The following PAX3 variants were observed in gnomAD, a reference collection of about 807,000 sequenced individuals.
PAX3 encodes the protein paired box 3, also known as paired box protein Pax-3.
Under a neutral mutation model 51.6 loss-of-function variants are expected in PAX3, and 14 were observed. The ratio of observed to expected loss-of-function variants is 0.27; its 90% CI spans 0.18 to 0.42. The LOEUF (loss-of-function observed/expected upper bound fraction) is 0.42, where lower values mean the gene tolerates loss of function less well. Among genes scored for constraint, PAX3 ranks in the 10% least tolerant of loss-of-function variants. The pLI, the probability that PAX3 is intolerant of heterozygous loss-of-function variation, is 1.00. For synonymous variants in PAX3, 280 were observed against 253.4 expected (o/e 1.11, Z -1.00); for missense variants, 540 against 642.8 (o/e 0.84, Z 1.73).
intron 4 of PAX3, among the ~76,000 whole-genome samples, chr2:222,266,051 C>A (rs375848510): frequency 9.9e-5 from 15 of 152,272 alleles, no homozygotes; most frequent in African/African-American, 3.4e-4. Flanking sequence ...GGGAGACTTT[C>A]TTTTGAAAAG....
chr2:222,260,552 G>A (rs866370534), intron 4 of PAX3, among the ~76,000 whole-genome samples: 1 of 60,492 alleles, frequency 1.7e-5, no homozygotes, highest in Non-Finnish European at 3.2e-5. Flanking sequence ...AGCAACACAA[G>A]TTTTTTTTTT....
In PAX3 at chr2:222,298,604, C is replaced by G. The variant is rs747090056; in HGVS notation, c.12G>C (p.Leu4=). 1 of 1,606,440 alleles carries G rather than the reference C, an allele frequency of 6.2e-7. No individual in the cohort carries two copies. The highest frequency in any genetic ancestry group is 1.3e-5 in the African/African-American group (1 of 74,960). The part of the protein sequence containing the change: MTT[L]AGAVPRMMRP... The stretch of plus-strand genomic sequence containing the variant: ...GCATCATCCTGGGCACAGCGCCGGC[C>G]AGCGTGGTCATCCTGGGGGCAGCTT... The change falls in exon 1 of 9, where the codon CTG becomes CTC. Residue 4 remains leucine, a synonymous_variant. Transcript: ENST00000392070.
rs188517407 is a variant in PAX3, at chr2:222,281,111, A to G, written c.586+13056T>C. Among the ~76,000 whole-genome samples, 838 of 152,322 alleles carry G rather than the reference A, an allele frequency of 5.5e-3. 11 individuals are homozygous for G. Among genetic ancestry groups the G allele is most frequent in the African/African-American group, 0.019 (800 of 41,562 alleles). On this transcript the variant is annotated intron_variant, in intron 4 of 8. Transcript: ENST00000392070. ...AAAGCCAAGCACATCTACCACCTGGAAAGTTTCCACGCTGGATCAATTCCC... is the reference window on the plus strand; with the variant it reads ...AAAGCCAAGCACATCTACCACCTGGGAAGTTTCCACGCTGGATCAATTCCC...
intron 4 of PAX3, among the ~76,000 whole-genome samples, chr2:222,290,035 A>C (rs1694973579): frequency 1.3e-5 from 2 of 152,148 alleles, no homozygotes; most frequent in Admixed American, 6.5e-5. Context: ...AATCTATGGG[A>C]AAGTTCGTCC....
intron 4 of PAX3, among the ~76,000 whole-genome samples, chr2:222,239,855 T>C (rs902759955): frequency 1.3e-5 from 2 of 151,848 alleles, no homozygotes; most frequent in African/African-American, 2.4e-5. Context: ...TTGGGAAGGA[T>C]ATGCTGAGCT....
At chr2:222,281,441 C>G (rs1420547128) in intron 4 of PAX3, among the ~76,000 whole-genome samples, 1 of 152,238 alleles carries the variant, frequency 6.6e-6, no homozygotes, top group African/African-American at 2.4e-5. Context: ...AACACCTGCT[C>G]TCTGACATTA....
intron 4 of PAX3, among the ~76,000 whole-genome samples, chr2:222,246,996 C>T (rs1693252310): frequency 6.6e-6 from 1 of 152,166 alleles, no homozygotes; most frequent in South Asian, 2.1e-4. Context: ...TTCTCATTGT[C>T]TTTGTATAAC....
At chr2:222,227,568 C>G (rs1361620362) in intron 5 of PAX3, among the ~76,000 whole-genome samples, 1 of 152,002 alleles carries the variant, frequency 6.6e-6, no homozygotes, top group Non-Finnish European at 1.5e-5. Flanking sequence ...CTCCAGTGCA[C>G]TCCAGCTCAG....
At chr2:222,267,570 C>T (rs563008167) in intron 4 of PAX3, among the ~76,000 whole-genome samples, 1 of 152,108 alleles carries the variant, frequency 6.6e-6, no homozygotes, top group South Asian at 2.1e-4. Context: ...TTGAGTTTCC[C>T]CTTATTTTAT....
chr2:222,224,149 G>A (rs1221868260), intron 5 of PAX3, among the ~76,000 whole-genome samples: 1 of 152,184 alleles, frequency 6.6e-6, no homozygotes, highest in African/African-American at 2.4e-5. Context: ...CAAAGACATT[G>A]AGTAAACTCA....
intron 3 of PAX3, among the ~76,000 whole-genome samples, 179 bp downstream of exon 3, chr2:222,295,349 G>T (rs1274921970): frequency 6.6e-6 from 1 of 152,184 alleles, no homozygotes; most frequent in Non-Finnish European, 1.5e-5. Flanking sequence ...AGGACAAGCA[G>T]CTCACCCCTC....
chr2:222,277,007 G>A (rs540917603), intron 4 of PAX3, among the ~76,000 whole-genome samples: 1 of 152,336 alleles, frequency 6.6e-6, no homozygotes, highest in African/African-American at 2.4e-5. Context: ...GGCACTGTTA[G>A]TATGTGGCTG....
intron 4 of PAX3, among the ~76,000 whole-genome samples, chr2:222,244,911 G>A (rs749819266): frequency 1.3e-5 from 2 of 152,116 alleles, no homozygotes; most frequent in Non-Finnish European, 2.9e-5. Flanking sequence ...ACTTTGAGAG[G>A]TTGAGGTGGG....
chr2:222,258,858 A>G lies in PAX3; in HGVS notation c.587-26575T>C, dbSNP rs79127569. Among the ~76,000 whole-genome samples the G allele has an allele frequency of 9.2e-5, 14 of 152,292 alleles. No homozygotes were observed. In the East Asian group the frequency reaches 2.7e-3, roughly 29 times the overall value. On this transcript the variant is annotated intron_variant, in intron 4 of 8. Transcript: ENST00000392070. ...GAAGTTCAGTTCTTAACAACAACAA[A>G]AAGTCTCTTATTGGTGATGCTGAGA... is the stretch of plus-strand genomic sequence containing the variant.
chr2:222,225,808 A>G (rs1692360525), intron 5 of PAX3, among the ~76,000 whole-genome samples: 1 of 152,246 alleles, frequency 6.6e-6, no homozygotes, highest in African/African-American at 2.4e-5. Flanking sequence ...AGAAAGTCTC[A>G]CACTGACACT....
rs1695254940 is a variant in PAX3, at chr2:222,295,615, T to C, written c.364A>G (p.Lys122Glu). ...CTGAACATGCCCGGGTTCTCTCTTT[T>C]GTATTCCTCAATTTTCTTCTCCACG... ...PDVEKKIEEYKRENPGMFSWE... is the reference protein window; with the variant it reads ...PDVEKKIEEYERENPGMFSWE... Residue 122 changes from lysine to glutamate, a missense_variant, in exon 3 of 9, where the codon AAA becomes GAA. This residue lies in a region of PAX3 where 427 missense variants were observed against 483.6 expected (regional missense o/e 0.88). Coordinates refer to ENST00000392070, the MANE Select transcript of PAX3 (RefSeq NM_181458.4). The C allele has an allele frequency of 1.2e-6, 2 of 1,614,236 alleles. No homozygotes were observed. The highest frequency in any genetic ancestry group is 1.7e-5 in the Admixed American group (1 of 60,032).
At chr2:222,270,473 G>A (rs745622054) in intron 4 of PAX3, among the ~76,000 whole-genome samples, 3 of 152,106 alleles carry the variant, frequency 2.0e-5, no homozygotes, top group Non-Finnish European at 2.9e-5. Context: ...TAAAATTGTC[G>A]CTGCTAAGTT....
At chr2:222,269,886 C>A (rs1338208016) in intron 4 of PAX3, among the ~76,000 whole-genome samples, 1 of 152,168 alleles carries the variant, frequency 6.6e-6, no homozygotes. Context: ...GACATAATTA[C>A]TTTTGAAATG....
Position 222,200,966 on chromosome 2 carries a change from A to G in PAX3, c.*442T>C. The G allele has an allele frequency of 3.3e-6, 2 of 601,594 alleles. No homozygotes were observed. The highest frequency in any genetic ancestry group is 4.1e-5 in the South Asian group (2 of 49,236). The allele number at this position is 601,594 out of a possible 1,614,324, so 37.3% of individuals were successfully genotyped here. A position where few individuals can be genotyped will look rare whatever the true frequency, so the allele number is the denominator to read the frequency against. Reference sequence around the variant, plus strand: ...TATCAGCATCGAACATCGACATGTTATACTTTAGGGTATTCTATTATATTT... The same window carrying G: ...TATCAGCATCGAACATCGACATGTTGTACTTTAGGGTATTCTATTATATTT... On this transcript the variant is annotated 3_prime_UTR_variant, in exon 9 of 9. Transcript: ENST00000392070.
Sources: gnomAD v4.1 joint callset for allele counts (sites outside exome capture counted in the v4.1 genomes callset) on GRCh38, gnomAD v4.1.1 for gene constraint, gnomAD v4.1.1 regional missense constraint, MANE v1.5 for transcripts, NCBI Gene and HGNC (gene_info 2026-07-23, HGNC 2026-07-21) for gene names.